Variants in C5orf58 observed in about 807,000 individuals in gnomAD.
C5orf58 encodes the protein putative uncharacterized protein C5orf58.
In C5orf58, 2 loss-of-function variants were observed where a neutral mutation model predicts 2.9. That is an observed-to-expected ratio of 0.69 (90% CI 0.28 to 2.18). C5orf58 has a LOEUF of 2.18. Among genes scored for constraint, C5orf58 ranks in the 30% most tolerant of loss-of-function variants. The pLI is 0.13. For synonymous variants in C5orf58, 37 were observed against 33.4 expected (o/e 1.11, Z -0.37); for missense variants, 96 against 91.7 (o/e 1.05, Z -0.19).
At chr5:170,235,688 A>G (rs1760712666) in intron 3 of C5orf58, among the ~76,000 whole-genome samples, 2 of 152,230 alleles carry the variant, frequency 1.3e-5, no homozygotes, top group Non-Finnish European at 2.9e-5. Flanking sequence ...CAGCTAGCTG[A>G]AATCTGTTCC....
chr5:170,249,394 A>C (rs1379004574), downstream of C5orf58, among the ~76,000 whole-genome samples: 4 of 149,976 alleles, frequency 2.7e-5, no homozygotes, highest in South Asian at 2.1e-4. Flanking sequence ...ACATATCTAT[A>C]TATATATATA....
At chr5:170,234,271 T>G in intron 2 of C5orf58, 73 bp downstream of exon 2, 1 of 892,972 alleles carries the variant, frequency 1.1e-6, no homozygotes, top group Non-Finnish European at 1.7e-6. Context: ...GCTGGAGTTG[T>G]GTATGCTAAT....
downstream of C5orf58, chr5:170,250,740 C>T (rs750149893): frequency 6.2e-6 from 10 of 1,612,938 alleles, no homozygotes; most frequent in Admixed American, 3.3e-5. Context: ...CTCTTTCCCT[C>T]GGAGTCCAGT....
chr5:170,252,067 G>C (rs1761456681), exon 3 of C5orf58: 1 of 197,486 alleles, frequency 5.1e-6, no homozygotes, highest in African/African-American at 2.3e-5. Flanking sequence ...CATCAACATG[G>C]ATGGCACGTC....
At chr5:170,246,930 A>G (rs1761312294), downstream of C5orf58, 1 of 152,236 alleles carries the variant, frequency 6.6e-6, no homozygotes, top group Non-Finnish European at 1.5e-5. Context: ...ATGGAACAGA[A>G]CATCTTAATC....
chr5:170,240,475 G>A (rs1271544036), intron 3 of C5orf58, among the ~76,000 whole-genome samples: 3 of 151,904 alleles, frequency 2.0e-5, no homozygotes, highest in African/African-American at 7.3e-5. Flanking sequence ...TTTCTAACTG[G>A]TGTGAGATGG....
downstream of C5orf58, chr5:170,252,423 TAG>T: frequency 6.7e-7 from 1 of 1,485,514 alleles, no homozygotes; most frequent in Non-Finnish European, 9.3e-7. Flanking sequence ...AAATAAACTA[TAG>T]CACAATACCT....
chr5:170,234,111 T>C lies in C5orf58; in HGVS notation c.-84-4T>C. 1 of 1,365,924 alleles carries C rather than the reference T, an allele frequency of 7.3e-7. No homozygotes were observed. The highest frequency in any genetic ancestry group is 9.8e-7 in the Non-Finnish European group (1 of 1,020,352). The allele number at this position is 1,365,924 out of a possible 1,614,324, so 84.6% of individuals were successfully genotyped here. On this transcript the variant is annotated splice_polypyrimidine_tract_variant and splice_region_variant and intron_variant, in intron 1 of 3. Transcript: ENST00000593851. ...TTTTATTAATGTCTGGGAAACAAAA[T>C]TAGTTTTTTTACAGTGGCTCTGAAA...
chr5:170,243,606 C>T (rs1482972088), intron 3 of C5orf58, among the ~76,000 whole-genome samples: 1 of 150,554 alleles, frequency 6.6e-6, no homozygotes, highest in Non-Finnish European at 1.5e-5. Context: ...GCAACCCCTG[C>T]CTTTTTTTGT....
At chr5:170,236,214 CAAG>C (rs761101254) in intron 3 of C5orf58, among the ~76,000 whole-genome samples, 1 of 151,842 alleles carries the variant, frequency 6.6e-6, no homozygotes, top group Non-Finnish European at 1.5e-5. Flanking sequence ...GCTGTGACTC[CAAG>C]AAGAAGAGGG....
downstream of C5orf58, among the ~76,000 whole-genome samples, chr5:170,250,565 G>C (rs1761412718): frequency 6.6e-6 from 1 of 152,186 alleles, no homozygotes; most frequent in Non-Finnish European, 1.5e-5. Context: ...AGTAACCATT[G>C]TAAAGATTTT....
downstream of C5orf58, among the ~76,000 whole-genome samples, chr5:170,249,973 G>T (rs542077975): frequency 6.6e-6 from 1 of 152,124 alleles, no homozygotes; most frequent in African/African-American, 2.4e-5. Flanking sequence ...GCCAACCAGC[G>T]ATTCAAACAT....
chr5:170,249,393 T>G (rs1581054181), downstream of C5orf58, among the ~76,000 whole-genome samples: 2 of 143,778 alleles, frequency 1.4e-5, no homozygotes. Flanking sequence ...TACATATCTA[T>G]ATATATATAT....
At position 170,234,105 on chromosome 5, in the gene C5orf58, A is replaced by G; in HGVS notation, c.-84-10A>G. On this transcript the variant is annotated splice_polypyrimidine_tract_variant and intron_variant, in intron 1 of 3. Coordinates refer to ENST00000593851, the MANE Select transcript of C5orf58 (RefSeq NM_001102609.3). ...AGCGCATTTTATTAATGTCTGGGAA[A>G]CAAAATTAGTTTTTTTACAGTGGCT... 1.5e-6 allele frequency: 2 copies of G among 1,364,100 alleles called. No homozygotes were observed. The highest frequency in any genetic ancestry group is 2.0e-6 in the Non-Finnish European group (2 of 1,018,830). 84.5% of individuals were successfully genotyped at this position (1,364,100 alleles called of 1,614,324 possible). A position where few individuals can be genotyped will look rare whatever the true frequency, so the allele number is the denominator to read the frequency against.
At position 170,239,776 on chromosome 5, in the gene C5orf58, AT is replaced by A. The variant is rs528804523; in HGVS notation, c.94+4716del. On this transcript the variant is annotated intron_variant, in intron 3 of 3. Coordinates refer to ENST00000593851, the MANE Select transcript of C5orf58 (RefSeq NM_001102609.3). ...CTTATTTTGTAATAACATAAATCTTATTTTTTTTTTAATTATACTTTAAGTT... is the reference window on the plus strand; with the variant it reads ...CTTATTTTGTAATAACATAAATCTTATTTTTTTTTAATTATACTTTAAGTT... 9.5e-3 allele frequency among the ~76,000 whole-genome samples: 1,427 copies of A among 149,524 alleles called. 21 individuals carry two copies. The highest frequency in any genetic ancestry group is 0.031 in the African/African-American group (1,258 of 40,348).
intron 3 of C5orf58, among the ~76,000 whole-genome samples, chr5:170,243,941 A>G (rs143061777): frequency 0.37 from 43,036 of 115,144 alleles, 5,882 homozygotes; most frequent in Non-Finnish European, 0.4. Flanking sequence ...CATGTTTAGC[A>G]CTTCCTTCAG....
chr5:170,244,264 T>TG (rs1410961889), intron 3 of C5orf58, among the ~76,000 whole-genome samples: 4 of 148,304 alleles, frequency 2.7e-5, no homozygotes, highest in African/African-American at 1.0e-4. Flanking sequence ...GTCTTGGAGT[T>TG]GCTCTTCTCG....
chr5:170,251,098 A>T (rs1382198130), downstream of C5orf58: 9 of 481,376 alleles, frequency 1.9e-5, no homozygotes, highest in East Asian at 2.5e-4. Context: ...TAAGAAAGGC[A>T]ACAGAGATTG....
chr5:170,250,855 T>C (rs769384862), downstream of C5orf58: 2 of 1,613,802 alleles, frequency 1.2e-6, no homozygotes, highest in Middle Eastern at 1.7e-4. Flanking sequence ...GTTGTTTTTT[T>C]AGAGCTGTCT....
Sources: allele counts gnomAD v4.1 joint callset (sites outside exome capture counted in the v4.1 genomes callset), GRCh38; gene constraint gnomAD v4.1.1; transcripts MANE v1.5; gene names NCBI Gene and HGNC (gene_info 2026-07-23, HGNC 2026-07-21).